The following PHACTR2 variants were observed in gnomAD, a reference collection of about 807,000 sequenced individuals.
PHACTR2 encodes the protein phosphatase and actin regulator 2, also known as chromosome 6 open reading frame 56.
In PHACTR2, 30 loss-of-function variants were observed where a neutral mutation model predicts 76.0. The observed-to-expected ratio is 0.39, with a 90% CI of 0.30 to 0.54. The LOEUF (loss-of-function observed/expected upper bound fraction) is 0.54, where lower values mean the gene tolerates loss of function less well. Among genes scored for constraint, PHACTR2 ranks in the 20% least tolerant of loss-of-function variants. The pLI, the probability that PHACTR2 is intolerant of heterozygous loss-of-function variation, is 0.61. For synonymous variants in PHACTR2, 292 were observed against 292.5 expected (o/e 1.00, Z 0.02); for missense variants, 696 against 781.1 (o/e 0.89, Z 1.30).
At position 143,562,137 on chromosome 6, in the gene PHACTR2, C is replaced by T. The variant is rs1775287787; in HGVS notation, c.217+24930C>T. On this transcript the variant is annotated intron_variant, in intron 1 of 11. Coordinates refer to the PHACTR2 transcript ENST00000367584. This position sits in a 1 kb window ranked among gnomAD's most constrained non-coding sequence, Gnocchi z 5.1. ...CCTTTGTGACCTCGTAGCCTTGTCACAGTGCTCTCTGTTGTGTTGGAATAA... is the reference window on the plus strand; with the variant it reads ...CCTTTGTGACCTCGTAGCCTTGTCATAGTGCTCTCTGTTGTGTTGGAATAA... 6.6e-6 allele frequency: 1 copy of T among 152,274 alleles called. No homozygotes were observed. Among genetic ancestry groups the T allele is most frequent in the African/African-American group, 2.4e-5 (1 of 41,448 alleles). The allele number at this position is 152,274 out of a possible 1,614,324, so 9.4% of individuals were successfully genotyped here. A position where few individuals can be genotyped will look rare whatever the true frequency, so the allele number is the denominator to read the frequency against.
rs372850158 is a variant in PHACTR2, at chr6:143,785,694, CAG to C, written c.1707+2417_1707+2418del. Among the ~76,000 whole-genome samples, 45 of 152,322 alleles carry C rather than the reference CAG, an allele frequency of 3.0e-4. 1 individual carries two copies. The East Asian group carries it at 7.7e-3, about 26-fold the overall frequency. On this transcript the variant is annotated intron_variant, in intron 10 of 12. Transcript: ENST00000440869. ...GCAAACTTTGGCCTGGGCATCTAGACAGAGGTTCCCAAACCTCAGTTTCTGAC... is the reference window on the plus strand; with the variant it reads ...GCAAACTTTGGCCTGGGCATCTAGACAGGTTCCCAAACCTCAGTTTCTGAC...
intron 1 of PHACTR2, among the ~76,000 whole-genome samples, chr6:143,655,805 G>A (rs549930003): frequency 3.5e-4 from 53 of 152,318 alleles, no homozygotes; most frequent in Non-Finnish European, 6.9e-4. Flanking sequence ...ACACATGAAA[G>A]TTCTTCGGAA....
In PHACTR2 at chr6:143,710,463, C is replaced by T. The variant is rs1778149104; in HGVS notation, c.47-1553C>T. ...ATCCCAGCAGTTTGGGAGGCTGAGG[C>T]GGGTGGATCACTTGAGGTCAGGAGT... On this transcript the variant is annotated intron_variant, in intron 1 of 12. Coordinates refer to ENST00000440869, the MANE Select transcript of PHACTR2 (RefSeq NM_001100164.2). The surrounding 1 kb of genome is among the most constrained non-coding windows in gnomAD (Gnocchi z 4.9). 2.0e-5 allele frequency among the ~76,000 whole-genome samples: 3 copies of T among 152,160 alleles called. No individual in the cohort carries two copies. Among genetic ancestry groups the T allele is most frequent in the African/African-American group, 7.2e-5 (3 of 41,440 alleles).
chr6:143,634,373 A>G (rs564743961), intron 1 of PHACTR2, among the ~76,000 whole-genome samples: 61 of 152,328 alleles, frequency 4.0e-4, no homozygotes, highest in Non-Finnish European at 6.5e-4. Context: ...AGTCCTTTTC[A>G]TTTAATAAGA....
At position 143,765,932 on chromosome 6, in the gene PHACTR2, C is replaced by T; in HGVS notation, c.1232+134C>T. On this transcript the variant is annotated intron_variant, in intron 6 of 12. Transcript: ENST00000440869. The surrounding 1 kb of genome is among the most constrained non-coding windows in gnomAD (Gnocchi z 4.1). ...AGTGTTAGGTAGGCATACATGTGAT[C>T]CAACCATTGCTTTGTCAGAGCCCTG... 1.4e-6 allele frequency: 1 copy of T among 737,964 alleles called. No individual in the cohort carries two copies. Among genetic ancestry groups the T allele is most frequent in the Non-Finnish European group, 2.2e-6 (1 of 461,624 alleles). 45.7% of individuals were successfully genotyped at this position (737,964 alleles called of 1,614,324 possible). A position where few individuals can be genotyped will look rare whatever the true frequency, so the allele number is the denominator to read the frequency against.
In PHACTR2 at chr6:143,704,093, G is replaced by A. The variant is rs926897415; in HGVS notation, c.47-7923G>A. 2.2e-5 allele frequency among the ~76,000 whole-genome samples: 3 copies of A among 134,412 alleles called. No individual in the cohort carries two copies. The East Asian group carries it at 6.1e-4, about 27-fold the overall frequency. The allele number at this position is 134,412 out of a possible 152,430, so 88.2% of individuals were successfully genotyped here. A position where few individuals can be genotyped will look rare whatever the true frequency, so the allele number is the denominator to read the frequency against. On this transcript the variant is annotated intron_variant, in intron 1 of 12. Transcript: ENST00000440869. ...CCATCATGGGTGTGTGTGTGTGTGT[G>A]TCTGTGTGTGTGTGTGTGTGTGTGT...
Position 143,541,540 on chromosome 6 carries a change from A to G in PHACTR2, c.217+4333A>G, listed in dbSNP as rs1274197835. 6.6e-6 allele frequency among the ~76,000 whole-genome samples: 1 copy of G among 152,244 alleles called. No homozygotes were observed. The highest frequency in any genetic ancestry group is 1.5e-5 in the Non-Finnish European group (1 of 68,036). On this transcript the variant is annotated intron_variant, in intron 1 of 11. Coordinates refer to the PHACTR2 transcript ENST00000367584. This position sits in a 1 kb window ranked among gnomAD's most constrained non-coding sequence, Gnocchi z 5.3. Reference sequence around the variant, plus strand: ...GTATAGGTGTGTGGACCACTTCATTAGCTTAATGTGCAAGTACAATCTCAT... The same window carrying G: ...GTATAGGTGTGTGGACCACTTCATTGGCTTAATGTGCAAGTACAATCTCAT...
chr6:143,699,955 G>T (rs1224844616), intron 1 of PHACTR2, among the ~76,000 whole-genome samples: 1 of 152,166 alleles, frequency 6.6e-6, no homozygotes, highest in Non-Finnish European at 1.5e-5. Context: ...GTTTTCCATA[G>T]TACATGCCTG....
intron 1 of PHACTR2, among the ~76,000 whole-genome samples, chr6:143,636,240 C>A (rs909764920): frequency 2.6e-5 from 4 of 151,596 alleles, no homozygotes; most frequent in Non-Finnish European, 5.9e-5. Context: ...TTAAACCATG[C>A]TTTCCTCTGC....
rs561399686 is a variant in PHACTR2, at chr6:143,767,203, A to G, written c.1232+1405A>G. 6.6e-6 allele frequency among the ~76,000 whole-genome samples: 1 copy of G among 152,210 alleles called. No homozygotes were observed. The highest frequency in any genetic ancestry group is 2.1e-4 in the South Asian group (1 of 4,836). On this transcript the variant is annotated intron_variant, in intron 6 of 12. Transcript: ENST00000440869. This position sits in a 1 kb window ranked among gnomAD's most constrained non-coding sequence, Gnocchi z 4.4. ...TCCCAAAAGTATCCCTGTTTTATAG[A>G]TAAGAAAACTGGCACTGAGAGAGCT...
rs1777379670 is a variant in PHACTR2 at position 143,681,094 on chromosome 6, G to A, written c.46+2885G>A. Among the ~76,000 whole-genome samples, 3 of 152,106 alleles carry A rather than the reference G, an allele frequency of 2.0e-5. No homozygotes were observed. In the South Asian group the frequency reaches 6.2e-4, roughly 31 times the overall value. ...AATGTACAAGTTGTTGTGAAGATATGTTTTCATTTCTCAGGTATATATTTA... is the reference window on the plus strand; with the variant it reads ...AATGTACAAGTTGTTGTGAAGATATATTTTCATTTCTCAGGTATATATTTA... On this transcript the variant is annotated intron_variant, in intron 1 of 12. Transcript: ENST00000440869.
Position 143,625,745 on chromosome 6 carries a change from G to C in PHACTR2, c.13+17423G>C, listed in dbSNP as rs1582711771. On this transcript the variant is annotated intron_variant, in intron 1 of 11. Transcript: ENST00000305766. The surrounding 1 kb of genome is among the most constrained non-coding windows in gnomAD (Gnocchi z 4.3). ...TGGGTCAGGCACTCTTCCGGGTGCA[G>C]TGAATGGGGCAGTGATGAGACACAT... 6.6e-6 allele frequency among the ~76,000 whole-genome samples: 1 copy of C among 152,250 alleles called. No individual in the cohort carries two copies. Among genetic ancestry groups the C allele is most frequent in the Admixed American group, 6.5e-5 (1 of 15,288 alleles).
intron 2 of PHACTR2, among the ~76,000 whole-genome samples, chr6:143,725,844 A>G (rs1263533643): frequency 6.6e-6 from 1 of 151,822 alleles, no homozygotes; most frequent in Admixed American, 6.6e-5. Context: ...AAAGAATGTC[A>G]TATAAATGGA....
rs1372590156 is a variant in PHACTR2 at position 143,648,486 on chromosome 6, G to C, written c.13+40164G>C. The stretch of plus-strand genomic sequence containing the variant: ...GACGAGGAGGAACAGACCAAACAAA[G>C]CATGGCTGATAGAAAGGGAAGCCTG... On this transcript the variant is annotated intron_variant, in intron 1 of 11. Transcript: ENST00000305766. The surrounding 1 kb of genome is among the most constrained non-coding windows in gnomAD (Gnocchi z 6.7). Among the ~76,000 whole-genome samples the C allele has an allele frequency of 6.6e-6, 1 of 152,168 alleles. No individual in the cohort carries two copies. Among genetic ancestry groups the C allele is most frequent in the Non-Finnish European group, 1.5e-5 (1 of 68,034 alleles).
intron 2 of PHACTR2, among the ~76,000 whole-genome samples, chr6:143,736,026 T>A (rs1778810535): frequency 6.6e-6 from 1 of 152,206 alleles, no homozygotes; most frequent in African/African-American, 2.4e-5. Flanking sequence ...ACTCTTTTAA[T>A]TAATTATTAA....
chr6:143,763,555 G>A (rs1779486688), intron 5 of PHACTR2, among the ~76,000 whole-genome samples: 1 of 152,144 alleles, frequency 6.6e-6, no homozygotes, highest in South Asian at 2.1e-4. Flanking sequence ...CTAGGCTAGG[G>A]AAGGTTGTTT....
chr6:143,744,059 GC>G (rs2128468605), intron 2 of PHACTR2, among the ~76,000 whole-genome samples: 1 of 152,324 alleles, frequency 6.6e-6, no homozygotes, highest in East Asian at 1.9e-4. Context: ...TTTATGAGGA[GC>G]CCAGTCGTGT....
chr6:143,587,198 A>T (rs1282607363), intron 1 of PHACTR2, among the ~76,000 whole-genome samples: 1 of 152,342 alleles, frequency 6.6e-6, no homozygotes, highest in South Asian at 2.1e-4. Flanking sequence ...TCTAAACAGA[A>T]CTAACATCAG....
At position 143,678,912 on chromosome 6, in the gene PHACTR2, C is replaced by T. The variant is rs926022055; in HGVS notation, c.46+703C>T. Among the ~76,000 whole-genome samples the T allele has an allele frequency of 1.3e-5, 2 of 150,006 alleles. No homozygotes were observed. Among genetic ancestry groups the T allele is most frequent in the Admixed American group, 6.6e-5 (1 of 15,068 alleles). On this transcript the variant is annotated intron_variant, in intron 1 of 12. Transcript: ENST00000440869. The surrounding 1 kb of genome is among the most constrained non-coding windows in gnomAD (Gnocchi z 6.2). ...TAAACAAAAAGAGGGAAGGAAGGTA[C>T]GTCTGGCATTTCCCCGACAGTGTAG...
Sources: allele counts gnomAD v4.1 joint callset (sites outside exome capture counted in the v4.1 genomes callset), GRCh38; gene constraint gnomAD v4.1.1; non-coding constraint Gnocchi (gnomAD v3.1); transcripts MANE v1.5; gene names NCBI Gene and HGNC (gene_info 2026-07-23, HGNC 2026-07-21).